ROBO2: variants seen among roughly 807,000 people sequenced by gnomAD.
The protein encoded by ROBO2 is roundabout guidance receptor 2, also known as roundabout homolog 2.
Under a neutral mutation model 160.8 loss-of-function variants are expected in ROBO2, and 53 were observed. The observed-to-expected ratio is 0.33, with a 90% CI of 0.26 to 0.41. ROBO2 has a LOEUF of 0.41. Among genes scored for constraint, ROBO2 ranks in the 10% least tolerant of loss-of-function variants. The pLI is 1.00. For missense variants in ROBO2, 1,577 were observed against 1,722.4 expected (o/e 0.92, Z 1.49); for synonymous variants, 664 against 611.7 (o/e 1.09, Z -1.26).
At chr3:77,302,105 A>G (rs1179423980) in intron 2 of ROBO2, among the ~76,000 whole-genome samples, 2 of 150,526 alleles carry the variant, frequency 1.3e-5, no homozygotes, top group Non-Finnish European at 2.9e-5. Context: ...AACTAAGTAA[A>G]GACATTTTTT....
chr3:77,136,049 A>G (rs2076251291), intron 2 of ROBO2, among the ~76,000 whole-genome samples: 1 of 152,226 alleles, frequency 6.6e-6, no homozygotes, highest in Non-Finnish European at 1.5e-5. Context: ...ATAGAGTAGC[A>G]ATAATAAAGA....
chr3:76,677,174 G>A (rs2092432146), intron 2 of ROBO2, among the ~76,000 whole-genome samples: 4 of 151,962 alleles, frequency 2.6e-5, no homozygotes, highest in African/African-American at 9.7e-5. Context: ...TACCCAAACA[G>A]TGTACCCAGG....
chr3:77,049,643 A>G (rs2065021950), intron 1 of ROBO2, among the ~76,000 whole-genome samples: 1 of 152,232 alleles, frequency 6.6e-6, no homozygotes, highest in Non-Finnish European at 1.5e-5. Flanking sequence ...AACTAGAACC[A>G]TATGCAACAT....
At chr3:76,332,798 A>T (rs754716836) in intron 2 of ROBO2, among the ~76,000 whole-genome samples, 1 of 152,242 alleles carries the variant, frequency 6.6e-6, no homozygotes, top group Non-Finnish European at 1.5e-5. Context: ...ATTCATCCAT[A>T]ATTAACACAA....
At chr3:77,544,944 T>C (rs7635965) in intron 6 of ROBO2, among the ~76,000 whole-genome samples, 3,656 of 152,148 alleles carry the variant, frequency 0.024, 148 homozygotes, top group African/African-American at 0.083. Context: ...CACTTTATTC[T>C]CTCTCAAGAT....
At chr3:76,140,460 A>G (rs1011886604) in intron 2 of ROBO2, among the ~76,000 whole-genome samples, 4 of 151,854 alleles carry the variant, frequency 2.6e-5, no homozygotes, top group Admixed American at 6.6e-5. Flanking sequence ...TATTATCTTC[A>G]TTGTACTGAA....
chr3:77,382,561 C>A (rs1465163739), intron 2 of ROBO2, among the ~76,000 whole-genome samples: 4 of 152,008 alleles, frequency 2.6e-5, no homozygotes, highest in Admixed American at 2.0e-4. Flanking sequence ...TCCTTCACCC[C>A]CTTCCCAACC....
At chr3:76,699,908 C>T (rs1343828873) in intron 2 of ROBO2, among the ~76,000 whole-genome samples, 1 of 152,052 alleles carries the variant, frequency 6.6e-6, no homozygotes, top group African/African-American at 2.4e-5. Flanking sequence ...GATATTGCTG[C>T]TAAATGAATG....
At chr3:76,403,998 G>C (rs2077994253) in intron 2 of ROBO2, among the ~76,000 whole-genome samples, 1 of 151,612 alleles carries the variant, frequency 6.6e-6, no homozygotes, top group Non-Finnish European at 1.5e-5. Flanking sequence ...TCTGCTGCTA[G>C]CTATATTATA....
chr3:76,162,419 C>T (rs2106929549), intron 2 of ROBO2, among the ~76,000 whole-genome samples: 1 of 152,200 alleles, frequency 6.6e-6, no homozygotes, highest in South Asian at 2.1e-4. Context: ...AAGTGATCCT[C>T]CCGCCTCCTC....
rs143269324 is a variant in ROBO2 at position 76,847,552 on chromosome 3, A to C, written c.110-250462A>C. 3.9e-5 allele frequency among the ~76,000 whole-genome samples: 6 copies of C among 152,318 alleles called. No homozygotes were observed. The East Asian group carries it at 1.2e-3, about 29-fold the overall frequency. ...AAATAAAAAATCTTGTAAGAAACCT[A>C]GTAGTGAACATAAAGAAGGAAGCCA... On this transcript the variant is annotated intron_variant, in intron 2 of 26. Transcript: ENST00000487694.
intron 1 of ROBO2, among the ~76,000 whole-genome samples, chr3:77,064,459 C>G (rs899255808): frequency 6.7e-6 from 1 of 149,488 alleles, no homozygotes; most frequent in Non-Finnish European, 1.5e-5. Context: ...CTCCCAGGTT[C>G]AAGCGATTCT....
chr3:76,304,798 C>CTTTCTTTCTTTCTTTCTT (rs1177082404), intron 2 of ROBO2, among the ~76,000 whole-genome samples: 1 of 85,546 alleles, frequency 1.2e-5, no homozygotes, highest in African/African-American at 4.9e-5. Context: ...TTCTTTCTTT[C>CTTTCTTTCTTTCTTTCTT]TCTTTCTTTT....
At chr3:77,449,837 G>A (rs981581097) in intron 2 of ROBO2, among the ~76,000 whole-genome samples, 1 of 152,078 alleles carries the variant, frequency 6.6e-6, no homozygotes, top group Non-Finnish European at 1.5e-5. Context: ...GGATTGGCTA[G>A]CATTTTATCA....
chr3:76,034,391 T>C (rs138193331), intron 2 of ROBO2, among the ~76,000 whole-genome samples: 15 of 152,348 alleles, frequency 9.8e-5, no homozygotes, highest in Middle Eastern at 3.4e-3. Flanking sequence ...ATTTCTATTA[T>C]ATTTTTCTCC....
Position 76,014,273 on chromosome 3 carries a change from G to A in ROBO2, c.109+76671G>A, listed in dbSNP as rs150533744. Among the ~76,000 whole-genome samples, 511 of 132,684 alleles carry A rather than the reference G, an allele frequency of 3.9e-3. 18 individuals carry two copies. The East Asian group carries it at 0.072, about 19-fold the overall frequency. The allele number at this position is 132,684 out of a possible 152,430, so 87.0% of individuals were successfully genotyped here. A position where few individuals can be genotyped will look rare whatever the true frequency, so the allele number is the denominator to read the frequency against. ...ATGCGTGTAATCCCAGAAGTAATAT[G>A]CATAAAGGCAATTGGGGGCTGGGCA... On this transcript the variant is annotated intron_variant, in intron 2 of 26. Transcript: ENST00000487694.
chr3:76,449,141 C>G (rs1219625287), intron 2 of ROBO2, among the ~76,000 whole-genome samples: 3 of 151,900 alleles, frequency 2.0e-5, no homozygotes, highest in Admixed American at 1.3e-4. Flanking sequence ...GAAATGTCCC[C>G]TTAATAGAAA....
chr3:76,603,761 AAC>A (rs893759594), intron 2 of ROBO2, among the ~76,000 whole-genome samples: 20 of 152,092 alleles, frequency 1.3e-4, no homozygotes, highest in Non-Finnish European at 2.5e-4. Flanking sequence ...AGAGAGGAAT[AAC>A]AGTCTCTGTC....
intron 2 of ROBO2, among the ~76,000 whole-genome samples, chr3:77,389,083 T>G (rs1435522133): frequency 6.6e-6 from 1 of 152,152 alleles, no homozygotes; most frequent in Non-Finnish European, 1.5e-5. Flanking sequence ...TAGCTGGGAT[T>G]ACAGCCGCCC....
Sources: allele counts gnomAD v4.1 joint callset (sites outside exome capture counted in the v4.1 genomes callset), GRCh38; gene constraint gnomAD v4.1.1; transcripts MANE v1.5; gene names NCBI Gene and HGNC (gene_info 2026-07-23, HGNC 2026-07-21).